Variants in ACSF2 observed in about 807,000 individuals in gnomAD.
The protein encoded by ACSF2 is acyl-CoA synthetase family member 2.
A neutral mutation model predicts 79.3 loss-of-function variants in ACSF2; 52 were observed. That is an observed-to-expected ratio of 0.66 (90% CI 0.53 to 0.83). The LOEUF (loss-of-function observed/expected upper bound fraction) is 0.83. ACSF2 is among the 40% of genes least tolerant of loss of function. ACSF2 has a pLI of 0.00. For missense variants in ACSF2, 661 were observed against 803.3 expected, an observed-to-expected ratio of 0.82 and a Z score of 2.14; for synonymous variants, 283 against 312.6, an observed-to-expected ratio of 0.91 and a Z score of 1.00.
At chr17:50,465,948 A>G in intron 10 of ACSF2, 1 of 1,543,268 alleles carries the variant, frequency 6.5e-7, no homozygotes, top group Non-Finnish European at 8.9e-7. Flanking sequence ...CCAGAGGGGC[A>G]GGATCCTTCC....
chr17:50,453,498 G>A (rs868501217), intron 1 of ACSF2, among the ~76,000 whole-genome samples: 21 of 151,938 alleles, frequency 1.4e-4, no homozygotes, highest in African/African-American at 5.1e-4. Flanking sequence ...GTGAGCCACC[G>A]CGCTCGGCCT....
rs371431770 is a variant in ACSF2 at position 50,462,135 on chromosome 17, T to C, written c.508-49T>C. 5.8e-6 allele frequency: 9 copies of C among 1,539,174 alleles called. No homozygotes were observed. The South Asian group carries it at 6.8e-5, about 12-fold the overall frequency. ...ATTAGTGAGGACTCCCCCAGAGCTC[T>C]AGTCTGGGGCTCCCCGCTGACTGGA... On this transcript the variant is annotated intron_variant, in intron 4 of 15. Coordinates refer to ENST00000300441, the MANE Select transcript of ACSF2 (RefSeq NM_025149.6).
At chr17:50,432,215 A>T (rs754461978) in intron 1 of ACSF2, among the ~76,000 whole-genome samples, 4 of 152,064 alleles carry the variant, frequency 2.6e-5, no homozygotes, top group Non-Finnish European at 5.9e-5. Flanking sequence ...GACTTTTCTT[A>T]TGTATAAATA....
At chr17:50,466,870 C>G (rs1225292738) in intron 10 of ACSF2, among the ~76,000 whole-genome samples, 1 of 152,230 alleles carries the variant, frequency 6.6e-6, no homozygotes, top group Admixed American at 6.5e-5. Flanking sequence ...CACTCTGGCA[C>G]TGGTGGGCCA....
chr17:50,455,461 G>T (rs945700676), intron 1 of ACSF2, among the ~76,000 whole-genome samples: 1 of 152,110 alleles, frequency 6.6e-6, no homozygotes, highest in Non-Finnish European at 1.5e-5. Context: ...CTGATGAGGG[G>T]ATGTTATTAA....
intron 1 of ACSF2, 65 bp downstream of exon 1, chr17:50,426,454 C>G (rs1472284873): frequency 2.4e-6 from 3 of 1,269,756 alleles, no homozygotes; most frequent in African/African-American, 1.6e-5. Flanking sequence ...TTGGAGGTCC[C>G]GGCGAGCTTC....
At chr17:50,438,711 C>T (rs2030633647) in intron 1 of ACSF2, among the ~76,000 whole-genome samples, 1 of 152,016 alleles carries the variant, frequency 6.6e-6, no homozygotes, top group African/African-American at 2.4e-5. Flanking sequence ...GGATTATAGG[C>T]GTCTGCCACC....
Position 50,474,378 on chromosome 17 carries a change from C to A in ACSF2, c.1797+111C>A. 6.6e-7 allele frequency: 1 copy of A among 1,505,574 alleles called. No individual in the cohort carries two copies. The highest frequency in any genetic ancestry group is 1.1e-5 in the South Asian group (1 of 88,350). 93.3% of individuals were successfully genotyped at this position (1,505,574 alleles called of 1,614,324 possible). A position where few individuals can be genotyped will look rare whatever the true frequency, so the allele number is the denominator to read the frequency against. ...GTGGAGAGACTGGCAGTAGGGTGAC[C>A]GGGTCACCTAATCCTGGTTTGCCTG... On this transcript the variant is annotated intron_variant, in intron 15 of 15. Transcript: ENST00000300441. This position sits in a 1 kb window ranked among gnomAD's most constrained non-coding sequence, Gnocchi z 4.2.
At chr17:50,457,114 G>C (rs2032061580) in intron 1 of ACSF2, among the ~76,000 whole-genome samples, 1 of 152,062 alleles carries the variant, frequency 6.6e-6, no homozygotes, top group South Asian at 2.1e-4. Context: ...AAGACCTCTG[G>C]GAAGTCCAGG....
rs2305997 is a variant in ACSF2, at chr17:50,474,379, G to C, written c.1797+112G>C. 61 of 1,497,862 alleles carry C rather than the reference G, an allele frequency of 4.1e-5. 1 individual carries two copies. The highest frequency in any genetic ancestry group is 4.0e-4 in the South Asian group (35 of 88,214). 92.8% of individuals were successfully genotyped at this position (1,497,862 alleles called of 1,614,324 possible). ...TGGAGAGACTGGCAGTAGGGTGACCGGGTCACCTAATCCTGGTTTGCCTGG... is the reference window on the plus strand; with the variant it reads ...TGGAGAGACTGGCAGTAGGGTGACCCGGTCACCTAATCCTGGTTTGCCTGG... On this transcript the variant is annotated intron_variant, in intron 15 of 15. Transcript: ENST00000300441. This position sits in a 1 kb window ranked among gnomAD's most constrained non-coding sequence, Gnocchi z 4.2.
At position 50,474,037 on chromosome 17, in the gene ACSF2, C is replaced by T. The variant is rs1166350235; in HGVS notation, c.1728+33C>T. 1 of 1,544,870 alleles carries T rather than the reference C, an allele frequency of 6.5e-7. No homozygotes were observed. Among genetic ancestry groups the T allele is most frequent in the East Asian group, 2.3e-5 (1 of 44,186 alleles). ...CCTCCGCTCAACCTAGCTGATGCTGCTCTGTTCTTTGCTCACCCACTCCTC... is the reference window on the plus strand; with the variant it reads ...CCTCCGCTCAACCTAGCTGATGCTGTTCTGTTCTTTGCTCACCCACTCCTC... On this transcript the variant is annotated intron_variant, in intron 14 of 15. Transcript: ENST00000300441. This position sits in a 1 kb window ranked among gnomAD's most constrained non-coding sequence, Gnocchi z 4.2.
chr17:50,460,031 C>A (rs1329330598), intron 1 of ACSF2, among the ~76,000 whole-genome samples: 1 of 152,014 alleles, frequency 6.6e-6, no homozygotes, highest in Non-Finnish European at 1.5e-5. Context: ...AGCCCAGGTG[C>A]CATTTGGCAT....
chr17:50,426,296 G>T lies in ACSF2; in HGVS notation c.35G>T (p.Arg12Met), dbSNP rs1914966561. ...TACGTCGGGATGCTGCGCCTGGGGA[G>T]GCTGTGCGCCGGGAGCTCGGGGGTG... ...AVYVGMLRLG[R>M]LCAGSSGVLG... Residue 12 changes from arginine to methionine, a missense_variant, in exon 1 of 16, where the codon AGG becomes ATG. Coordinates refer to ENST00000300441, the MANE Select transcript of ACSF2 (RefSeq NM_025149.6). 2.1e-6 allele frequency: 3 copies of T among 1,415,708 alleles called. No individual in the cohort carries two copies. Among genetic ancestry groups the T allele is most frequent in the African/African-American group, 1.5e-5 (1 of 67,500 alleles). The allele number at this position is 1,415,708 out of a possible 1,614,324, so 87.7% of individuals were successfully genotyped here.
At chr17:50,470,809 T>G in intron 10 of ACSF2, 3 of 474,556 alleles carry the variant, frequency 6.3e-6, no homozygotes. Flanking sequence ...CTCTCAATTT[T>G]CTTTCAGATC....
chr17:50,430,611 G>A (rs1421578493), intron 1 of ACSF2, among the ~76,000 whole-genome samples: 1 of 152,194 alleles, frequency 6.6e-6, no homozygotes, highest in African/African-American at 2.4e-5. Context: ...GTTGCAGTGA[G>A]CCGAGATTGT....
intron 1 of ACSF2, among the ~76,000 whole-genome samples, chr17:50,452,718 C>T (rs760188505): frequency 5.9e-5 from 9 of 152,044 alleles, no homozygotes; most frequent in Non-Finnish European, 1.2e-4. Flanking sequence ...AAGAAGTGGC[C>T]ACCCTTTATG....
chr17:50,432,133 T>C (rs1004659756), intron 1 of ACSF2, among the ~76,000 whole-genome samples: 5 of 152,178 alleles, frequency 3.3e-5, no homozygotes, highest in African/African-American at 7.2e-5. Flanking sequence ...ACTCCTGAGC[T>C]TAAGTTACCT....
chr17:50,458,879 C>T (rs544830365), intron 1 of ACSF2, among the ~76,000 whole-genome samples: 368 of 152,350 alleles, frequency 2.4e-3, no homozygotes, highest in Non-Finnish European at 4.0e-3. Context: ...CACAGTCTGC[C>T]TCATGGCTCC....
intron 10 of ACSF2, chr17:50,468,184 G>T: frequency 6.2e-7 from 1 of 1,614,118 alleles, no homozygotes; most frequent in South Asian, 1.1e-5. Flanking sequence ...CAGCTGAGGG[G>T]TAGCTGGACA....
Sources: allele counts gnomAD v4.1 joint callset (sites outside exome capture counted in the v4.1 genomes callset), GRCh38; gene constraint gnomAD v4.1.1; non-coding constraint Gnocchi (gnomAD v3.1); transcripts MANE v1.5; gene names NCBI Gene and HGNC (gene_info 2026-07-23, HGNC 2026-07-21).